The following STARD13 variants were observed in gnomAD, a reference collection of about 807,000 sequenced individuals.
STARD13 encodes StAR related lipid transfer domain containing 13.
Under a neutral mutation model 106.4 loss-of-function variants are expected in STARD13, and 62 were observed. The observed-to-expected ratio is 0.58, with a 90% CI of 0.48 to 0.72. The LOEUF (loss-of-function observed/expected upper bound fraction) is 0.72. STARD13 is among the 30% of genes least tolerant of loss of function. The pLI, the probability that STARD13 is intolerant of heterozygous loss-of-function variation, is 0.00. For missense variants in STARD13, 1,387 were observed against 1,424.0 expected, an observed-to-expected ratio of 0.97 and a Z score of 0.42; for synonymous variants, 565 against 553.0, an observed-to-expected ratio of 1.02 and a Z score of -0.31.
At chr13:33,415,834 T>C in the STARD13 span, among the ~76,000 whole-genome samples, 5 of 152,238 alleles carry the variant, frequency 3.3e-5, no homozygotes, top group East Asian at 1.9e-4. Context: ...AAAATTGATT[T>C]AAAAAATTCT....
At chr13:33,632,639 A>AC in the STARD13 span, among the ~76,000 whole-genome samples, 1 of 152,140 alleles carries the variant, frequency 6.6e-6, no homozygotes, top group Non-Finnish European at 1.5e-5. Flanking sequence ...ACCAAACTTG[A>AC]CCACTTCTCT....
the STARD13 span, among the ~76,000 whole-genome samples, chr13:33,608,853 G>A: frequency 7.2e-5 from 11 of 152,106 alleles, no homozygotes; most frequent in East Asian, 1.9e-4. Flanking sequence ...TTGGGAGGCC[G>A]AGGCGGGAGG....
intron 1 of STARD13, chr13:33,275,799 C>T (rs1891397968): frequency 1.3e-5 from 2 of 152,222 alleles, no homozygotes; most frequent in South Asian, 4.1e-4. Context: ...GAAGTTTCAA[C>T]ATTCTGCCAA....
At chr13:33,286,786 C>T (rs1244700403), upstream of STARD13, among the ~76,000 whole-genome samples, 1 of 151,850 alleles carries the variant, frequency 6.6e-6, no homozygotes, top group Non-Finnish European at 1.5e-5. Flanking sequence ...TGTGCAGATC[C>T]AGAACCAGAG....
chr13:33,140,766 C>CTT (rs1231426601), intron 4 of STARD13, among the ~76,000 whole-genome samples: 5 of 142,864 alleles, frequency 3.5e-5, no homozygotes, highest in Admixed American at 6.9e-5. Context: ...TCTTTTCTTT[C>CTT]TTTTTTTTTT....
the STARD13 span, among the ~76,000 whole-genome samples, chr13:33,390,060 C>T: frequency 3.3e-5 from 5 of 151,940 alleles, no homozygotes; most frequent in African/African-American, 9.7e-5. Flanking sequence ...AATTTCATAC[C>T]GTCATTGGTG....
At chr13:33,551,568 C>CTTTTTTTTTTTTTTTTTTTTTTT in the STARD13 span, among the ~76,000 whole-genome samples, 43 of 44,794 alleles carry the variant, frequency 9.6e-4, 21 homozygotes, top group East Asian at 3.5e-3. Context: ...TTTGCTTTTC[C>CTTTTTTTTTTTTTTTTTTTTTTT]CTTTTTTTTT....
the STARD13 span, among the ~76,000 whole-genome samples, chr13:33,617,717 C>G: frequency 6.6e-6 from 1 of 152,216 alleles, no homozygotes; most frequent in South Asian, 2.1e-4. Context: ...CTGCCTATGA[C>G]CAGAAAGATT....
intron 1 of STARD13, among the ~76,000 whole-genome samples, chr13:33,172,108 A>T (rs1884030123): frequency 6.6e-6 from 1 of 152,242 alleles, no homozygotes; most frequent in Non-Finnish European, 1.5e-5. Context: ...CTCTTGCCCC[A>T]TTATGAACAC....
the STARD13 span, among the ~76,000 whole-genome samples, chr13:33,420,927 C>G: frequency 6.6e-6 from 1 of 152,120 alleles, no homozygotes; most frequent in Non-Finnish European, 1.5e-5. Flanking sequence ...ACAAAACATA[C>G]CAGATCTCTG....
chr13:33,163,952 C>A (rs1175177218), intron 3 of STARD13, among the ~76,000 whole-genome samples: 1 of 151,934 alleles, frequency 6.6e-6, no homozygotes, highest in Non-Finnish European at 1.5e-5. Flanking sequence ...GAGGAGGAAT[C>A]TGCTCCTGCT....
rs1566154305 is a variant in STARD13, at chr13:33,350,232, G to A, written c.124+58C>T. ...AGAGGAGGGCGGCGGGCCCGGGCGG[G>A]CTACGGGGCCGGCGCCTCCCCCGCC... On this transcript the variant is annotated intron_variant, in intron 1 of 1. Coordinates refer to the STARD13 transcript ENST00000439831. 2.7e-6 allele frequency: 4 copies of A among 1,479,312 alleles called. No homozygotes were observed. The South Asian group carries it at 5.3e-5, about 20-fold the overall frequency. 91.6% of individuals were successfully genotyped at this position (1,479,312 alleles called of 1,614,324 possible). A position where few individuals can be genotyped will look rare whatever the true frequency, so the allele number is the denominator to read the frequency against.
the STARD13 span, among the ~76,000 whole-genome samples, chr13:33,473,626 C>T: frequency 4.6e-5 from 7 of 152,226 alleles, no homozygotes; most frequent in South Asian, 2.1e-4. Flanking sequence ...TTTTGGTTCC[C>T]GGACCAGTAA....
the STARD13 span, among the ~76,000 whole-genome samples, chr13:33,469,329 C>T: frequency 8.5e-5 from 13 of 152,108 alleles, no homozygotes; most frequent in African/African-American, 4.8e-5. Context: ...ATGGCCACTT[C>T]CCATTATAAT....
the STARD13 span, among the ~76,000 whole-genome samples, chr13:33,527,566 T>C: frequency 6.6e-6 from 1 of 152,030 alleles, no homozygotes; most frequent in Non-Finnish European, 1.5e-5. Context: ...TTAAGATATT[T>C]ATATGGATGC....
chr13:33,444,630 T>C, the STARD13 span, among the ~76,000 whole-genome samples: 1 of 152,020 alleles, frequency 6.6e-6, no homozygotes, highest in African/African-American at 2.4e-5. Context: ...TTAGCCAGTG[T>C]GATAGCTTAC....
the STARD13 span, among the ~76,000 whole-genome samples, chr13:33,522,126 A>G: frequency 6.6e-6 from 1 of 152,174 alleles, no homozygotes; most frequent in Non-Finnish European, 1.5e-5. Flanking sequence ...TACGAAAAAG[A>G]AACAAAATGT....
At chr13:33,160,231 T>C (rs1019495517) in intron 3 of STARD13, among the ~76,000 whole-genome samples, 13 of 152,170 alleles carry the variant, frequency 8.5e-5, no homozygotes, top group Admixed American at 2.0e-4. Flanking sequence ...TGATCTGAAA[T>C]GATTGGACAT....
chr13:33,502,986 A>G, the STARD13 span, among the ~76,000 whole-genome samples: 1 of 152,226 alleles, frequency 6.6e-6, no homozygotes, highest in East Asian at 1.9e-4. Context: ...CCTCTGGTAG[A>G]ATTCGGCTAT....
Sources: allele counts gnomAD v4.1 joint callset (sites outside exome capture counted in the v4.1 genomes callset), GRCh38; gene constraint gnomAD v4.1.1; transcripts MANE v1.5; gene names NCBI Gene and HGNC (gene_info 2026-07-23, HGNC 2026-07-21).